The following NDUFB5 variants were observed in gnomAD, a reference collection of about 807,000 sequenced individuals.
NDUFB5 encodes NADH dehydrogenase [ubiquinone] 1 beta subcomplex subunit 5, mitochondrial.
NDUFB5 carries 19 observed loss-of-function variants against 19.4 expected under a neutral mutation model. That is an observed-to-expected ratio of 0.98 (90% CI 0.68 to 1.43). The LOEUF is 1.43. NDUFB5 is among the 40% of genes most tolerant of loss of function. The pLI, the probability that NDUFB5 is intolerant of heterozygous loss-of-function variation, is 0.00. For synonymous variants in NDUFB5, 80 were observed against 82.6 expected (o/e 0.97, Z 0.17); for missense variants, 233 against 236.5 (o/e 0.99, Z 0.10).
intron 2 of NDUFB5, 46 bp downstream of exon 2, chr3:179,615,105 G>A: frequency 1.5e-6 from 2 of 1,311,030 alleles, no homozygotes; most frequent in South Asian, 1.4e-5. Context: ...CATGTAACAG[G>A]GAAAAAATTT....
intron 1 of NDUFB5, among the ~76,000 whole-genome samples, chr3:179,613,457 T>G (rs1299688046): frequency 3.3e-5 from 5 of 152,210 alleles, no homozygotes; most frequent in Admixed American, 2.6e-4. Context: ...CCCAGCAAGA[T>G]CTATATCCCT....
intron 5 of NDUFB5, among the ~76,000 whole-genome samples, chr3:179,622,522 G>A (rs1409668942): frequency 6.6e-6 from 1 of 152,110 alleles, no homozygotes; most frequent in Non-Finnish European, 1.5e-5. Flanking sequence ...AACAGTATAT[G>A]TAGCATCTCC....
chr3:179,625,510 G>A lies in NDUFB5; in HGVS notation c.*1470G>A, dbSNP rs902297113. On this transcript the variant is annotated 3_prime_UTR_variant, in exon 6 of 6. Coordinates refer to ENST00000259037, the MANE Select transcript of NDUFB5 (RefSeq NM_002492.4). The stretch of plus-strand genomic sequence containing the variant: ...GTATAATGGTCAAATCAGGGTATTT[G>A]AATATACATATATTTCAAAATATAG... 2 of 151,984 alleles carry A rather than the reference G, an allele frequency of 1.3e-5. No individual in the cohort carries two copies. Among genetic ancestry groups the A allele is most frequent in the Admixed American group, 6.6e-5 (1 of 15,256 alleles). The allele number at this position is 151,984 out of a possible 1,614,324, so 9.4% of individuals were successfully genotyped here.
intron 5 of NDUFB5, among the ~76,000 whole-genome samples, chr3:179,622,661 T>G (rs1231948488): frequency 2.0e-5 from 3 of 152,214 alleles, no homozygotes; most frequent in African/African-American, 7.2e-5. Context: ...GTTTGGATAG[T>G]TATACTCTAA....
intron 1 of NDUFB5, among the ~76,000 whole-genome samples, chr3:179,605,997 G>T (rs922613254): frequency 6.6e-6 from 1 of 152,070 alleles, no homozygotes; most frequent in Non-Finnish European, 1.5e-5. Flanking sequence ...TCACCATGTT[G>T]GCCAGGCTGG....
chr3:179,611,697 G>A (rs1217438116), intron 1 of NDUFB5, among the ~76,000 whole-genome samples: 2 of 152,018 alleles, frequency 1.3e-5, no homozygotes, highest in African/African-American at 4.8e-5. Flanking sequence ...ACTGTGCCCG[G>A]CCCAGTTGTT....
intron 5 of NDUFB5, among the ~76,000 whole-genome samples, chr3:179,621,159 C>T (rs1268032041): frequency 2.6e-5 from 4 of 152,060 alleles, no homozygotes; most frequent in African/African-American, 9.7e-5. Context: ...CTCACTGCAG[C>T]CTTGGTCTCC....
At chr3:179,622,211 C>T (rs944843439) in intron 5 of NDUFB5, among the ~76,000 whole-genome samples, 1 of 152,022 alleles carries the variant, frequency 6.6e-6, no homozygotes, top group Admixed American at 6.5e-5. Flanking sequence ...AGGCTGATCT[C>T]GAACTCCTGG....
chr3:179,625,703 C>A lies in NDUFB5; in HGVS notation c.*1663C>A, dbSNP rs1422029478. On this transcript the variant is annotated 3_prime_UTR_variant, in exon 6 of 6. Coordinates refer to ENST00000259037, the MANE Select transcript of NDUFB5 (RefSeq NM_002492.4). ...AACTAACTTTTCTGAATTTCCTACTCTCCCCTTCCCTTCCCAGCCTTGTAA... is the reference window on the plus strand; with the variant it reads ...AACTAACTTTTCTGAATTTCCTACTATCCCCTTCCCTTCCCAGCCTTGTAA... The A allele has an allele frequency of 1.3e-5, 2 of 152,094 alleles. No individual in the cohort carries two copies. Among genetic ancestry groups the A allele is most frequent in the Non-Finnish European group, 2.9e-5 (2 of 68,026 alleles). 9.4% of individuals were successfully genotyped at this position (152,094 alleles called of 1,614,324 possible).
rs1719606421 is a variant in NDUFB5, at chr3:179,624,089, A to G, written c.*49A>G. On this transcript the variant is annotated 3_prime_UTR_variant, in exon 6 of 6. Coordinates refer to ENST00000259037, the MANE Select transcript of NDUFB5 (RefSeq NM_002492.4). ...GTATATTCTCTTTATTGGAAAATAA[A>G]TTAATAAATATATTCTGTATTTTTG... 1 of 1,495,616 alleles carries G rather than the reference A, an allele frequency of 6.7e-7. No individual in the cohort carries two copies. The highest frequency in any genetic ancestry group is 9.1e-7 in the Non-Finnish European group (1 of 1,099,368). The allele number at this position is 1,495,616 out of a possible 1,614,324, so 92.6% of individuals were successfully genotyped here.
At chr3:179,617,339 T>G in intron 4 of NDUFB5, 1 of 195,626 alleles carries the variant, frequency 5.1e-6, no homozygotes, top group Non-Finnish European at 1.0e-5. Flanking sequence ...GATTTCACCA[T>G]GTTGGCCAGG....
Position 179,625,340 on chromosome 3 carries a change from A to T in NDUFB5, c.*1300A>T, listed in dbSNP as rs1374589706. 6.6e-6 allele frequency: 1 copy of T among 152,214 alleles called. No homozygotes were observed. Among genetic ancestry groups the T allele is most frequent in the African/African-American group, 2.4e-5 (1 of 41,466 alleles). The allele number at this position is 152,214 out of a possible 1,614,324, so 9.4% of individuals were successfully genotyped here. ...CTAAGATTCAGGCCAGTGGGTCTCC[A>T]CTTAAGGCCAAATGGAGAAATAATT... On this transcript the variant is annotated 3_prime_UTR_variant, in exon 6 of 6. Transcript: ENST00000259037.
At chr3:179,604,980 G>T in intron 1 of NDUFB5, 41 bp downstream of exon 1, 1 of 1,510,762 alleles carries the variant, frequency 6.6e-7, no homozygotes. Context: ...AAGCGGGTGC[G>T]GGGCGAGAAA....
rs558128425 is a variant in NDUFB5, at chr3:179,616,200, A to G, written c.280+151A>G. Reference sequence around the variant, plus strand: ...ATGGCAGTTTATCTTAAAATAACCAAATCTCAATCTGAACTAAGAATTTTT... The same window carrying G: ...ATGGCAGTTTATCTTAAAATAACCAGATCTCAATCTGAACTAAGAATTTTT... On this transcript the variant is annotated intron_variant, in intron 3 of 5. Transcript: ENST00000259037. 17 of 650,250 alleles carry G rather than the reference A, an allele frequency of 2.6e-5. 1 individual carries two copies. The South Asian group carries it at 3.5e-4, about 14-fold the overall frequency. 40.3% of individuals were successfully genotyped at this position (650,250 alleles called of 1,614,324 possible).
intron 5 of NDUFB5, among the ~76,000 whole-genome samples, chr3:179,622,629 G>A (rs1294653836): frequency 2.6e-5 from 4 of 152,088 alleles, no homozygotes; most frequent in Non-Finnish European, 4.4e-5. Flanking sequence ...TTAGTCTCAT[G>A]TTGATAAATA....
intron 1 of NDUFB5, among the ~76,000 whole-genome samples, chr3:179,610,891 CAG>C (rs1236371206): frequency 1.3e-5 from 2 of 152,220 alleles, no homozygotes; most frequent in East Asian, 3.9e-4. Flanking sequence ...GATGTATAAA[CAG>C]AGTGCTGTGG....
intron 1 of NDUFB5, chr3:179,614,680 T>TA (rs1231855007): frequency 5.8e-5 from 10 of 173,394 alleles, no homozygotes; most frequent in Non-Finnish European, 1.1e-4. Flanking sequence ...TGTTTAAAGA[T>TA]ACCCTATCTG....
At chr3:179,607,321 TGTA>T (rs1450503182) in intron 1 of NDUFB5, among the ~76,000 whole-genome samples, 1 of 152,218 alleles carries the variant, frequency 6.6e-6, no homozygotes, top group African/African-American at 2.4e-5. Context: ...TAAGCTCTAA[TGTA>T]GTAGAGAGCC....
At position 179,623,971 on chromosome 3, in the gene NDUFB5, C is replaced by T; in HGVS notation, c.501C>T (p.Pro167=). ...RKLMHVRGDG[P]WYYYETIDKE... ...TGATGCATGTGAGAGGAGATGGACC[C>T]TGGTATTACTATGAGACAATTGACA... is the stretch of plus-strand genomic sequence containing the variant. The change falls in exon 6 of 6, where the codon CCC becomes CCT. Residue 167 remains proline, a synonymous_variant. Coordinates refer to ENST00000259037, the MANE Select transcript of NDUFB5 (RefSeq NM_002492.4). 1 of 1,613,836 alleles carries T rather than the reference C, an allele frequency of 6.2e-7. No homozygotes were observed. The highest frequency in any genetic ancestry group is 8.5e-7 in the Non-Finnish European group (1 of 1,179,812).
Sources: allele counts gnomAD v4.1 joint callset (sites outside exome capture counted in the v4.1 genomes callset), GRCh38; gene constraint gnomAD v4.1.1; transcripts MANE v1.5; gene names NCBI Gene and HGNC (gene_info 2026-07-23, HGNC 2026-07-21).